The following DZIP3 variants were observed in gnomAD, a reference collection of about 807,000 sequenced individuals.
DZIP3 encodes the protein DAZ interacting zinc finger protein 3, also known as E3 ubiquitin-protein ligase DZIP3.
A neutral mutation model predicts 162.0 loss-of-function variants in DZIP3; 118 were observed. That is an observed-to-expected ratio of 0.73 (90% confidence interval 0.63 to 0.85). DZIP3 has a LOEUF of 0.85. DZIP3 is among the 40% of genes least tolerant of loss of function. DZIP3 has a pLI of 0.00. For synonymous variants in DZIP3, 438 were observed against 458.6 expected (o/e 0.96, Z 0.57); for missense variants, 1,331 against 1,407.0 (o/e 0.95, Z 0.86).
At chr3:108,680,945 C>G (rs1576465556) in intron 26 of DZIP3, among the ~76,000 whole-genome samples, 1 of 152,058 alleles carries the variant, frequency 6.6e-6, no homozygotes, top group Admixed American at 6.6e-5. Context: ...ATACAAAAAT[C>G]AACTCAAGAT....
At chr3:108,655,725 G>A (rs1222439352) in intron 19 of DZIP3, among the ~76,000 whole-genome samples, 1 of 152,190 alleles carries the variant, frequency 6.6e-6, no homozygotes, top group Middle Eastern at 3.2e-3. Flanking sequence ...AAGCGCACGG[G>A]GTCAGGGAAT....
chr3:108,658,297 A>T (rs902235586), intron 19 of DZIP3, among the ~76,000 whole-genome samples: 55 of 152,236 alleles, frequency 3.6e-4, no homozygotes, highest in African/African-American at 1.2e-3. Context: ...TGTCTCTCAG[A>T]CCACAGTGCA....
At chr3:108,642,860 A>G (rs1266199881) in intron 13 of DZIP3, among the ~76,000 whole-genome samples, 1 of 152,178 alleles carries the variant, frequency 6.6e-6, no homozygotes, top group Non-Finnish European at 1.5e-5. Context: ...GTACCCTTAC[A>G]TGAAAGGAAT....
At chr3:108,638,272 A>G (rs1236929556) in intron 12 of DZIP3, among the ~76,000 whole-genome samples, 1 of 152,030 alleles carries the variant, frequency 6.6e-6, no homozygotes, top group Non-Finnish European at 1.5e-5. Flanking sequence ...CTTTCTTTCT[A>G]ACACTGCTTT....
intron 6 of DZIP3, among the ~76,000 whole-genome samples, chr3:108,624,883 A>G (rs1941522393): frequency 6.6e-6 from 1 of 152,080 alleles, no homozygotes; most frequent in Admixed American, 6.5e-5. Flanking sequence ...GTTGAATTTA[A>G]CATTTCCTTT....
At chr3:108,686,347 TGC>T (rs1944497584) in intron 27 of DZIP3, 96 bp from the exon 28 acceptor site, 1 of 1,168,802 alleles carries the variant, frequency 8.6e-7, no homozygotes, top group Non-Finnish European at 1.2e-6. Context: ...TGAATGTGTA[TGC>T]CAGTACGCTT....
At chr3:108,605,557 C>A in intron 2 of DZIP3, 119 bp downstream of exon 2, 2 of 968,852 alleles carry the variant, frequency 2.1e-6, no homozygotes, top group Non-Finnish European at 1.6e-6. Flanking sequence ...GACTTCAGAT[C>A]ATCAGGCATT....
intron 8 of DZIP3, among the ~76,000 whole-genome samples, chr3:108,631,052 C>CACACACACACAT (rs1168781519): frequency 4.1e-4 from 42 of 102,348 alleles, no homozygotes; most frequent in South Asian, 1.3e-3. Context: ...CACACACACA[C>CACACACACACAT]ACACTCTCTC....
At chr3:108,599,338 A>G (rs568255476) in intron 1 of DZIP3, among the ~76,000 whole-genome samples, 2 of 152,320 alleles carry the variant, frequency 1.3e-5, no homozygotes, top group East Asian at 3.9e-4. Flanking sequence ...GGAGCAAATA[A>G]TATTTTAGCT....
chr3:108,604,953 A>G (rs1293967948), intron 1 of DZIP3, among the ~76,000 whole-genome samples: 1 of 152,210 alleles, frequency 6.6e-6, no homozygotes, highest in Non-Finnish European at 1.5e-5. Flanking sequence ...ATAATAGAAA[A>G]AAATGGGAAA....
chr3:108,628,013 G>C (rs540130389), intron 7 of DZIP3, among the ~76,000 whole-genome samples: 56 of 152,194 alleles, frequency 3.7e-4, no homozygotes, highest in African/African-American at 1.3e-3. Context: ...CAAGTAGCTG[G>C]GATTACAGGC....
chr3:108,626,235 A>G (rs1161384446), intron 7 of DZIP3, among the ~76,000 whole-genome samples: 1 of 152,206 alleles, frequency 6.6e-6, no homozygotes, highest in African/African-American at 2.4e-5. Context: ...GTTCAGCTAC[A>G]TTTTTTATCA....
intron 11 of DZIP3, 99 bp from the exon 12 acceptor site, chr3:108,637,397 A>C (rs1293267847): frequency 1.9e-6 from 2 of 1,035,872 alleles, no homozygotes; most frequent in South Asian, 1.4e-5. Flanking sequence ...CTGTGGCTTC[A>C]CTCTCATTGT....
At chr3:108,636,053 A>G (rs1456901265) in intron 10 of DZIP3, among the ~76,000 whole-genome samples, 1 of 151,968 alleles carries the variant, frequency 6.6e-6, no homozygotes, top group Non-Finnish European at 1.5e-5. Context: ...AAGAATTAAC[A>G]GATAAAACAG....
intron 5 of DZIP3, among the ~76,000 whole-genome samples, chr3:108,620,085 C>T (rs1439156389): frequency 6.6e-6 from 1 of 152,120 alleles, no homozygotes; most frequent in African/African-American, 2.4e-5. Flanking sequence ...GGAAAAGACA[C>T]AGGTGAAGTC....
At chr3:108,613,099 A>G (rs1940808226) in intron 4 of DZIP3, among the ~76,000 whole-genome samples, 1 of 152,136 alleles carries the variant, frequency 6.6e-6, no homozygotes, top group Non-Finnish European at 1.5e-5. Context: ...ACTGCATATT[A>G]AAACAATAAG....
At chr3:108,689,277 CAT>C (rs950848456) in intron 31 of DZIP3, among the ~76,000 whole-genome samples, 4 of 152,204 alleles carry the variant, frequency 2.6e-5, no homozygotes, top group African/African-American at 7.2e-5. Flanking sequence ...ATAAATACCA[CAT>C]AGTGTCCTTT....
At chr3:108,591,950 T>C (rs923430055) in intron 1 of DZIP3, among the ~76,000 whole-genome samples, 5 of 147,460 alleles carry the variant, frequency 3.4e-5, no homozygotes, top group African/African-American at 1.3e-4. Context: ...CACTGCACTG[T>C]AGCCTGGGTG....
Position 108,611,175 on chromosome 3 carries a change from A to G in DZIP3, c.104A>G (p.Asn35Ser). ...NKLEKSSGQL[N>S]KQENDIPTDL... is the part of the protein sequence containing the mutation. ...TTTTTAATCAATAATGTCTTCTAGA[A>G]CAAACAGGAAAATGACATACCTACT... is the stretch of plus-strand genomic sequence containing the variant. The change falls in exon 4 of 33, where the codon AAC becomes AGC. Residue 35 changes from asparagine to serine, a missense_variant and splice_region_variant. Physicochemically the swap from Asn to Ser is conservative, Grantham distance 46 (BLOSUM62 1). This residue lies in a region of DZIP3 where 1,278 missense variants were observed against 1,317.1 expected (regional missense o/e 0.97). Coordinates refer to ENST00000361582, the MANE Select transcript of DZIP3 (RefSeq NM_014648.4). 4 of 1,585,136 alleles carry G rather than the reference A, an allele frequency of 2.5e-6. No individual in the cohort carries two copies. Among genetic ancestry groups the G allele is most frequent in the African/African-American group, 1.4e-5 (1 of 73,054 alleles).
Sources: allele counts gnomAD v4.1 joint callset (sites outside exome capture counted in the v4.1 genomes callset), GRCh38; gene constraint gnomAD v4.1.1; regional missense constraint gnomAD v4.1.1; transcripts MANE v1.5; gene names NCBI Gene and HGNC (gene_info 2026-07-23, HGNC 2026-07-21).